Variants in AGAP1 observed in about 807,000 individuals in gnomAD.
AGAP1 encodes the protein ArfGAP with GTPase domain, ankyrin repeat and PH domain 1, also known as arf-GAP with GTPase, ANK repeat and PH domain-containing protein 1.
AGAP1 carries 29 observed loss-of-function variants against 105.3 expected under a neutral mutation model. The ratio of observed to expected loss-of-function variants is 0.28; its 90% CI spans 0.21 to 0.38. The LOEUF (loss-of-function observed/expected upper bound fraction) is 0.38. Ranked by LOEUF, AGAP1 falls within the 10% of genes least tolerant of loss-of-function variation. The pLI is 1.00. For missense variants in AGAP1, 998 were observed against 1,165.1 expected, an observed-to-expected ratio of 0.86 and a Z score of 2.09; for synonymous variants, 509 against 485.9, an observed-to-expected ratio of 1.05 and a Z score of -0.63.
chr2:235,592,417 CA>C (rs527332275), intron 1 of AGAP1, among the ~76,000 whole-genome samples: 61 of 151,736 alleles, frequency 4.0e-4, no homozygotes, highest in African/African-American at 1.4e-3. Context: ...GGGCAGTGAG[CA>C]GGATGGTGAA....
rs1023475595 is a variant in AGAP1 at position 235,728,334 on chromosome 2, C to G, written c.310+10690C>G. Among the ~76,000 whole-genome samples, 2 of 143,992 alleles carry G rather than the reference C, an allele frequency of 1.4e-5. No homozygotes were observed. Among genetic ancestry groups the G allele is most frequent in the Admixed American group, 6.7e-5 (1 of 14,914 alleles). The allele number at this position is 143,992 out of a possible 152,430, so 94.5% of individuals were successfully genotyped here. A position where few individuals can be genotyped will look rare whatever the true frequency, so the allele number is the denominator to read the frequency against. ...GTGTGTGTGTGTGTGTGTGCGTGCT[C>G]TTAAATCAATGTAAATTAGGCTATA... On this transcript the variant is annotated intron_variant, in intron 3 of 17. Transcript: ENST00000304032. The surrounding 1 kb of genome is among the most constrained non-coding windows in gnomAD (Gnocchi z 4.3).
rs1576082478 is a variant in AGAP1, at chr2:236,020,986, T to G, written c.1646-15575T>G. 6.6e-6 allele frequency among the ~76,000 whole-genome samples: 1 copy of G among 151,908 alleles called. No homozygotes were observed. Among genetic ancestry groups the G allele is most frequent in the East Asian group, 1.9e-4 (1 of 5,158 alleles). On this transcript the variant is annotated intron_variant, in intron 13 of 17. Coordinates refer to ENST00000304032, the MANE Select transcript of AGAP1 (RefSeq NM_001037131.3). This position sits in a 1 kb window ranked among gnomAD's most constrained non-coding sequence, Gnocchi z 5.0. ...TTCGAGACCAGCCTGGTCAACGTGG[T>G]GAAACCCCATCTCTACTAAAAATAC...
intron 1 of AGAP1, among the ~76,000 whole-genome samples, chr2:235,585,813 G>A (rs1945090389): frequency 6.6e-6 from 1 of 152,172 alleles, no homozygotes; most frequent in South Asian, 2.1e-4. Context: ...TTCTGCTGCT[G>A]TGTTGGCTCA....
chr2:235,944,258 A>G (rs879482852), intron 12 of AGAP1, among the ~76,000 whole-genome samples: 2 of 152,192 alleles, frequency 1.3e-5, no homozygotes, highest in African/African-American at 2.4e-5. Context: ...ACATCACACT[A>G]TTCTCACACA....
intron 13 of AGAP1, among the ~76,000 whole-genome samples, chr2:236,031,429 C>T (rs1399989153): frequency 1.3e-5 from 2 of 152,180 alleles, no homozygotes; most frequent in South Asian, 4.1e-4. Flanking sequence ...GATCCTTCTC[C>T]AGGAGCCTGG....
At chr2:235,522,740 A>G (rs1346814358) in intron 1 of AGAP1, among the ~76,000 whole-genome samples, 1 of 152,126 alleles carries the variant, frequency 6.6e-6, no homozygotes, top group Non-Finnish European at 1.5e-5. Flanking sequence ...GTAAGGGAGG[A>G]TGTCTTGGCC....
rs147797773 is a variant in AGAP1 at position 235,599,354 on chromosome 2, G to A, written c.163+104505G>A. On this transcript the variant is annotated intron_variant, in intron 1 of 17. Transcript: ENST00000304032. This position sits in a 1 kb window ranked among gnomAD's most constrained non-coding sequence, Gnocchi z 5.3. ...TTTGCCCAGGAGGAGTCTGGTGATG[G>A]AGAAGGTGTGGCGGGCAGCAAGGAG... 3.8e-3 allele frequency among the ~76,000 whole-genome samples: 576 copies of A among 152,208 alleles called. No homozygotes were observed. The highest frequency in any genetic ancestry group is 7.0e-3 in the Non-Finnish European group (479 of 68,024).
At chr2:235,652,649 T>C (rs1947634577) in intron 1 of AGAP1, among the ~76,000 whole-genome samples, 1 of 152,080 alleles carries the variant, frequency 6.6e-6, no homozygotes, top group Non-Finnish European at 1.5e-5. Flanking sequence ...CCCAGAACTT[T>C]GGGAGGCCCA....
chr2:235,567,496 G>A (rs1027180435), intron 1 of AGAP1, among the ~76,000 whole-genome samples: 4 of 152,190 alleles, frequency 2.6e-5, no homozygotes, highest in African/African-American at 4.8e-5. Flanking sequence ...CACACCTGCA[G>A]CCTTGCTTCT....
rs1210087420 is a variant in AGAP1 at position 236,117,240 on chromosome 2, C to T, written c.2115-2952C>T. On this transcript the variant is annotated intron_variant, in intron 16 of 17. Transcript: ENST00000304032. The stretch of plus-strand genomic sequence containing the variant: ...CAGCAGCGTAGAAGTGTTCCCTGTA[C>T]ACCACATCCACGCCAACATCTACCG... 5.3e-5 allele frequency among the ~76,000 whole-genome samples: 8 copies of T among 152,326 alleles called. No individual in the cohort carries two copies. In the East Asian group the frequency reaches 1.5e-3, roughly 29 times the overall value.
In AGAP1 at chr2:235,741,502, G is replaced by A. The variant is rs187963237; in HGVS notation, c.396+454G>A. Among the ~76,000 whole-genome samples, 7 of 152,228 alleles carry A rather than the reference G, an allele frequency of 4.6e-5. No individual in the cohort carries two copies. The East Asian group carries it at 5.8e-4, about 13-fold the overall frequency. On this transcript the variant is annotated intron_variant, in intron 4 of 17. Coordinates refer to ENST00000304032, the MANE Select transcript of AGAP1 (RefSeq NM_001037131.3). This position sits in a 1 kb window ranked among gnomAD's most constrained non-coding sequence, Gnocchi z 4.9. Reference sequence around the variant, plus strand: ...CTACAGGCATTGGCCCCTCTGTGCCGCCCTGGCCTTGGCCCAAGCAAGGCA... The same window carrying A: ...CTACAGGCATTGGCCCCTCTGTGCCACCCTGGCCTTGGCCCAAGCAAGGCA...
At position 236,124,219 on chromosome 2, in the gene AGAP1, C is replaced by G; in HGVS notation, c.*97C>G. On this transcript the variant is annotated 3_prime_UTR_variant, in exon 18 of 18. Transcript: ENST00000304032. The surrounding 1 kb of genome is among the most constrained non-coding windows in gnomAD (Gnocchi z 5.1). ...CAGCACGTGAGTCCCGTCGCATCCC[C>G]TCCCTCTTCCTGGTGGCCACCTCCC... 7.5e-7 allele frequency: 1 copy of G among 1,334,842 alleles called. No individual in the cohort carries two copies. The highest frequency in any genetic ancestry group is 1.0e-6 in the Non-Finnish European group (1 of 968,216). The allele number at this position is 1,334,842 out of a possible 1,614,324, so 82.7% of individuals were successfully genotyped here.
At position 236,074,275 on chromosome 2, in the gene AGAP1, C is replaced by A. The variant is rs190743145; in HGVS notation, c.2114+24994C>A. ...GGGAGAGGCTAAACAAGAAGACCCCCGGGGAGCCCCTGCTAGCTTGGGAAG... is the reference window on the plus strand; with the variant it reads ...GGGAGAGGCTAAACAAGAAGACCCCAGGGGAGCCCCTGCTAGCTTGGGAAG... On this transcript the variant is annotated intron_variant, in intron 16 of 17. Transcript: ENST00000304032. 4.8e-3 allele frequency among the ~76,000 whole-genome samples: 734 copies of A among 151,914 alleles called. 19 individuals carry two copies. The highest frequency in any genetic ancestry group is 0.043 in the Admixed American group (657 of 15,258).
At chr2:235,902,479 G>GA (rs1412213658) in intron 10 of AGAP1, among the ~76,000 whole-genome samples, 1 of 152,122 alleles carries the variant, frequency 6.6e-6, no homozygotes, top group African/African-American at 2.4e-5. Context: ...GTCATTTCAA[G>GA]AAAAACTATT....
chr2:235,570,844 A>G (rs973533457), intron 1 of AGAP1, among the ~76,000 whole-genome samples: 2 of 152,244 alleles, frequency 1.3e-5, no homozygotes, highest in Non-Finnish European at 2.9e-5. Context: ...CCTGGCAAGT[A>G]CTGCTGCTCG....
At chr2:236,068,915 T>C (rs1576222616) in intron 16 of AGAP1, among the ~76,000 whole-genome samples, 1 of 150,964 alleles carries the variant, frequency 6.6e-6, no homozygotes, top group Non-Finnish European at 1.5e-5. Flanking sequence ...GATCATGAGG[T>C]CAGGAGATCG....
At position 236,082,611 on chromosome 2, in the gene AGAP1, C is replaced by T. The variant is rs866852933; in HGVS notation, c.2114+33330C>T. Among the ~76,000 whole-genome samples, 5 of 152,248 alleles carry T rather than the reference C, an allele frequency of 3.3e-5. No individual in the cohort carries two copies. Among genetic ancestry groups the T allele is most frequent in the Non-Finnish European group, 5.9e-5 (4 of 68,036 alleles). ...AAAGAGGGCCAGGTGCAACGGCTCA[C>T]GCCTGTAATCCCAACACTTTGGGAG... On this transcript the variant is annotated intron_variant, in intron 16 of 17. Transcript: ENST00000304032. This position sits in a 1 kb window ranked among gnomAD's most constrained non-coding sequence, Gnocchi z 4.2.
At chr2:235,996,918 A>G (rs2055841143) in intron 13 of AGAP1, among the ~76,000 whole-genome samples, 1 of 152,236 alleles carries the variant, frequency 6.6e-6, no homozygotes, top group Non-Finnish European at 1.5e-5. Flanking sequence ...TTTATCAGAA[A>G]AAATAATTCC....
chr2:236,056,904 C>T lies in AGAP1; in HGVS notation c.2114+7623C>T, dbSNP rs936126380. On this transcript the variant is annotated intron_variant, in intron 16 of 17. Coordinates refer to ENST00000304032, the MANE Select transcript of AGAP1 (RefSeq NM_001037131.3). The surrounding 1 kb of genome is among the most constrained non-coding windows in gnomAD (Gnocchi z 4.6). ...TTTTCTGCCAAATCCACGTCAGTAGCGGCATTGGGAGAACCGCCATGTTTA... is the reference window on the plus strand; with the variant it reads ...TTTTCTGCCAAATCCACGTCAGTAGTGGCATTGGGAGAACCGCCATGTTTA... Among the ~76,000 whole-genome samples, 4 of 152,176 alleles carry T rather than the reference C, an allele frequency of 2.6e-5. No individual in the cohort carries two copies. Among genetic ancestry groups the T allele is most frequent in the African/African-American group, 9.7e-5 (4 of 41,450 alleles).
Sources: gnomAD v4.1 joint callset for allele counts (sites outside exome capture counted in the v4.1 genomes callset) on GRCh38, gnomAD v4.1.1 for gene constraint, Gnocchi (gnomAD v3.1) non-coding constraint, MANE v1.5 for transcripts, NCBI Gene and HGNC (gene_info 2026-07-23, HGNC 2026-07-21) for gene names.